PRSS3: variants seen among roughly 807,000 people sequenced by gnomAD.
The protein encoded by PRSS3 is trypsin-3.
A neutral mutation model predicts 20.8 loss-of-function variants in PRSS3; 14 were observed. The observed-to-expected ratio is 0.67, with a 90% confidence interval of 0.44 to 1.05. The LOEUF is 1.05. Among genes scored for constraint, PRSS3 ranks in the 50% least tolerant of loss-of-function variants. The probability of loss-of-function intolerance (pLI) is 0.00; values close to 1 mark genes in which losing one functional copy is unlikely to be tolerated. For synonymous variants in PRSS3, 91 were observed against 117.6 expected, an observed-to-expected ratio of 0.77 and a Z score of 1.46; for missense variants, 237 against 306.4, an observed-to-expected ratio of 0.77 and a Z score of 1.69.
intron 1 of PRSS3, among the ~76,000 whole-genome samples, chr9:33,771,999 T>C (rs1823733438): frequency 6.6e-6 from 1 of 151,060 alleles, no homozygotes; most frequent in African/African-American, 2.4e-5. Context: ...AGCCTCCCAA[T>C]TAGCTGGGAC....
chr9:33,791,748 T>C (rs144633900), upstream of PRSS3, among the ~76,000 whole-genome samples: 9 of 152,338 alleles, frequency 5.9e-5, no homozygotes, highest in Admixed American at 5.2e-4. Flanking sequence ...CTCACCATTA[T>C]ATTACAGCAA....
chr9:33,760,603 G>A (rs899534541), intron 1 of PRSS3, among the ~76,000 whole-genome samples: 5 of 151,958 alleles, frequency 3.3e-5, no homozygotes, highest in Non-Finnish European at 7.4e-5. Context: ...AAAATTAGCT[G>A]GGTGTGGTGG....
At chr9:33,765,907 C>T (rs970962675) in intron 1 of PRSS3, among the ~76,000 whole-genome samples, 3 of 152,094 alleles carry the variant, frequency 2.0e-5, no homozygotes, top group African/African-American at 4.8e-5. Context: ...TTCAAACGTC[C>T]ATCTACTAAC....
intron 1 of PRSS3, among the ~76,000 whole-genome samples, chr9:33,774,794 T>A (rs1823849312): frequency 6.6e-6 from 1 of 152,016 alleles, no homozygotes; most frequent in East Asian, 1.9e-4. Flanking sequence ...GAGATCAGCC[T>A]GACCAACATG....
At chr9:33,779,805 C>A (rs12375581) in intron 1 of PRSS3, among the ~76,000 whole-genome samples, 8,975 of 128,098 alleles carry the variant, frequency 0.07, 372 homozygotes, top group Non-Finnish European at 0.095. Flanking sequence ...GGAGGTGGAG[C>A]TTGCGGTGAG....
At chr9:33,790,178 GTATTATAAAATATGCA>G (rs1232516076) in intron 1 of PRSS3, among the ~76,000 whole-genome samples, 3 of 152,044 alleles carry the variant, frequency 2.0e-5, no homozygotes, top group Admixed American at 2.0e-4. Context: ...AAAATTTGTG[GTATTATAAAATATGCA>G]TATTATCAAA....
chr9:33,796,004 G>T (rs1258066116), intron 1 of PRSS3, among the ~76,000 whole-genome samples: 2 of 152,264 alleles, frequency 1.3e-5, no homozygotes, highest in African/African-American at 4.8e-5. Context: ...TTCAACTCTA[G>T]AAGTTCTAAC....
intron 1 of PRSS3, among the ~76,000 whole-genome samples, chr9:33,777,702 C>A (rs1444236924): frequency 2.1e-5 from 3 of 140,598 alleles, no homozygotes; most frequent in Non-Finnish European, 4.6e-5. Flanking sequence ...AGCGAGACTG[C>A]GTCTCAAAAA....
At chr9:33,766,328 C>T (rs1481927106) in intron 1 of PRSS3, among the ~76,000 whole-genome samples, 3 of 146,688 alleles carry the variant, frequency 2.0e-5, no homozygotes, top group African/African-American at 7.6e-5. Context: ...AATCCCAGCA[C>T]TTTGGGAGGC....
chr9:33,770,171 G>A (rs929794407), intron 1 of PRSS3, among the ~76,000 whole-genome samples: 1 of 152,072 alleles, frequency 6.6e-6, no homozygotes, highest in Non-Finnish European at 1.5e-5. Context: ...AAATTGAACG[G>A]AATTTGCCCT....
chr9:33,751,156 G>T (rs1822677344), intron 1 of PRSS3, among the ~76,000 whole-genome samples: 1 of 152,182 alleles, frequency 6.6e-6, no homozygotes, highest in African/African-American at 2.4e-5. Context: ...GGGAACGCGC[G>T]CCCCCGTGGA....
At chr9:33,783,303 G>A (rs1465578194) in intron 1 of PRSS3, among the ~76,000 whole-genome samples, 4 of 152,186 alleles carry the variant, frequency 2.6e-5, no homozygotes, top group Non-Finnish European at 5.9e-5. Flanking sequence ...GTCAAAACTT[G>A]TTTAACAGTA....
At chr9:33,792,286 T>C (rs1265009507), upstream of PRSS3, among the ~76,000 whole-genome samples, 1 of 151,422 alleles carries the variant, frequency 6.6e-6, no homozygotes, top group African/African-American at 2.4e-5. Context: ...CAAGGAGGAG[T>C]TGACTAAGAG....
At chr9:33,769,355 A>T (rs1823582158) in intron 1 of PRSS3, among the ~76,000 whole-genome samples, 1 of 152,234 alleles carries the variant, frequency 6.6e-6, no homozygotes. Flanking sequence ...GCATGGATAC[A>T]GTCAACCAAC....
upstream of PRSS3, among the ~76,000 whole-genome samples, chr9:33,793,385 G>C (rs376154562): frequency 2.3e-3 from 284 of 122,052 alleles, no homozygotes; most frequent in African/African-American, 4.5e-3. Flanking sequence ...ACATGTTTAG[G>C]GGCAACACAG....
At chr9:33,763,878 G>A (rs1375903593) in intron 1 of PRSS3, among the ~76,000 whole-genome samples, 1 of 152,072 alleles carries the variant, frequency 6.6e-6, no homozygotes, top group Non-Finnish European at 1.5e-5. Flanking sequence ...TGTTTTTCCA[G>A]GAAGCTTTCA....
chr9:33,793,916 T>C (rs796478364), upstream of PRSS3, among the ~76,000 whole-genome samples: 1 of 152,286 alleles, frequency 6.6e-6, no homozygotes, highest in Non-Finnish European at 1.5e-5. Flanking sequence ...CTTGTAAAGC[T>C]GTCAGGCACC....
chr9:33,796,904 A>C (rs1332474943), intron 2 of PRSS3, 102 bp downstream of exon 2: 9 of 1,587,344 alleles, frequency 5.7e-6, no homozygotes, highest in Non-Finnish European at 7.8e-6. Flanking sequence ...CGGATGGGAG[A>C]GGTGGTGGAA....
chr9:33,797,395 C>T (rs569456832), intron 2 of PRSS3, among the ~76,000 whole-genome samples: 6 of 152,330 alleles, frequency 3.9e-5, no homozygotes, highest in Admixed American at 2.6e-4. Context: ...CTATGGCTAC[C>T]CTTGGATTAG....
Sources: allele counts gnomAD v4.1 joint callset (sites outside exome capture counted in the v4.1 genomes callset), GRCh38; gene constraint gnomAD v4.1.1; transcripts MANE v1.5; gene names NCBI Gene and HGNC (gene_info 2026-07-23, HGNC 2026-07-21).